Variants in IQCJ observed in about 807,000 individuals in gnomAD.
IQCJ encodes IQ domain-containing protein J.
A neutral mutation model predicts 11.0 loss-of-function variants in IQCJ; 9 were observed. The ratio of observed to expected loss-of-function variants is 0.82; its 90% CI spans 0.49 to 1.43. The LOEUF (loss-of-function observed/expected upper bound fraction) is 1.43, where lower values mean the gene tolerates loss of function less well. Ranked by LOEUF, IQCJ falls within the 40% of genes most tolerant of loss-of-function variation. IQCJ has a pLI of 0.00. For missense variants in IQCJ, 146 were observed against 133.2 expected (o/e 1.10, Z -0.47); for synonymous variants, 55 against 51.3 (o/e 1.07, Z -0.31).
chr3:159,110,087 A>G (rs557958020), intron 1 of IQCJ, among the ~76,000 whole-genome samples: 5 of 152,312 alleles, frequency 3.3e-5, no homozygotes, highest in Admixed American at 3.3e-4. Flanking sequence ...CAGACTATTT[A>G]TAGCTTTCTA....
chr3:159,253,509 G>A (rs759618359), intron 3 of IQCJ, among the ~76,000 whole-genome samples: 9 of 151,952 alleles, frequency 5.9e-5, no homozygotes, highest in Non-Finnish European at 1.0e-4. Context: ...ATTTATGACC[G>A]TTTTCCGAGA....
intron 1 of IQCJ, among the ~76,000 whole-genome samples, chr3:159,114,577 G>T (rs2108126460): frequency 6.6e-6 from 1 of 152,212 alleles, no homozygotes; most frequent in African/African-American, 2.4e-5. Flanking sequence ...CTCTCAAAGT[G>T]CTGGGATTAC....
At chr3:159,185,280 A>G (rs1723313626) in intron 1 of IQCJ, among the ~76,000 whole-genome samples, 1 of 152,108 alleles carries the variant, frequency 6.6e-6, no homozygotes, top group South Asian at 2.1e-4. Context: ...CCCCTTCCAT[A>G]TCTCACAGGA....
At chr3:159,216,693 A>AT (rs137937027) in intron 1 of IQCJ, among the ~76,000 whole-genome samples, 7,702 of 151,944 alleles carry the variant, frequency 0.051, 637 homozygotes, top group African/African-American at 0.18. Flanking sequence ...ACATACATGC[A>AT]TTTTTTTTCC....
chr3:159,076,415 G>T (rs981285688), intron 1 of IQCJ, among the ~76,000 whole-genome samples: 1 of 152,114 alleles, frequency 6.6e-6, no homozygotes, highest in African/African-American at 2.4e-5. Flanking sequence ...AGAACTAGAT[G>T]TGATGGAGCT....
intron 1 of IQCJ, among the ~76,000 whole-genome samples, chr3:159,122,059 TG>T (rs1719410941): frequency 6.6e-6 from 1 of 152,182 alleles, no homozygotes; most frequent in South Asian, 2.1e-4. Flanking sequence ...CCAGCATGGT[TG>T]GGTTCTGGTG....
At position 159,160,520 on chromosome 3, in the gene IQCJ, TA is replaced by T. The variant is rs1272266810; in HGVS notation, c.10-85322del. Reference sequence around the variant, plus strand: ...ATTGTGATTTATATTTTTATTTTTTTATTTTATTATTTTATTTTATTATTAT... The same window carrying T: ...ATTGTGATTTATATTTTTATTTTTTTTTTTATTATTTTATTTTATTATTAT... On this transcript the variant is annotated intron_variant, in intron 1 of 3. Coordinates refer to ENST00000397832, the MANE Select transcript of IQCJ (RefSeq NM_001042706.3). Among the ~76,000 whole-genome samples the T allele has an allele frequency of 1.1e-4, 17 of 151,802 alleles. No homozygotes were observed. The East Asian group carries it at 3.3e-3, about 29-fold the overall frequency.
intron 1 of IQCJ, among the ~76,000 whole-genome samples, chr3:159,199,604 C>T (rs533373504): frequency 2.6e-4 from 39 of 152,118 alleles, no homozygotes; most frequent in African/African-American, 7.9e-4. Context: ...ATTGATGTGG[C>T]GGGAGGAAAG....
chr3:159,142,456 A>T (rs895315025), intron 1 of IQCJ, among the ~76,000 whole-genome samples: 2 of 151,284 alleles, frequency 1.3e-5, no homozygotes, highest in African/African-American at 4.9e-5. Context: ...TCACGCTGTC[A>T]CCCAGGCTGG....
intron 1 of IQCJ, among the ~76,000 whole-genome samples, chr3:159,153,250 A>G (rs1031392463): frequency 6.6e-6 from 1 of 152,262 alleles, no homozygotes; most frequent in Non-Finnish European, 1.5e-5. Context: ...CTTACAATGC[A>G]TCCTTTAATG....
At chr3:159,110,742 C>A (rs1457099508) in intron 1 of IQCJ, among the ~76,000 whole-genome samples, 1 of 152,176 alleles carries the variant, frequency 6.6e-6, no homozygotes, top group South Asian at 2.1e-4. Flanking sequence ...CTAACAGACA[C>A]AAGCTGTTCT....
At chr3:159,246,450 C>A (rs903940839) in intron 2 of IQCJ, among the ~76,000 whole-genome samples, 1 of 152,114 alleles carries the variant, frequency 6.6e-6, no homozygotes, top group Non-Finnish European at 1.5e-5. Flanking sequence ...TTCCATTTCA[C>A]GGATGAGGAA....
chr3:159,093,514 T>C lies in IQCJ; in HGVS notation c.9+24073T>C, dbSNP rs1200027918. Among the ~76,000 whole-genome samples, 4 of 151,968 alleles carry C rather than the reference T, an allele frequency of 2.6e-5. 1 individual carries two copies. The highest frequency in any genetic ancestry group is 6.8e-3 in the Middle Eastern group (2 of 294). On this transcript the variant is annotated intron_variant, in intron 1 of 3. Coordinates refer to ENST00000397832, the MANE Select transcript of IQCJ (RefSeq NM_001042706.3). ...GACCTCAGTTAGCTGTATTGTGCCTTGCCCTCGAAACTGATGTCACCATAA... is the reference window on the plus strand; with the variant it reads ...GACCTCAGTTAGCTGTATTGTGCCTCGCCCTCGAAACTGATGTCACCATAA...
At chr3:159,072,966 G>C (rs569525870) in intron 1 of IQCJ, among the ~76,000 whole-genome samples, 3 of 152,172 alleles carry the variant, frequency 2.0e-5, no homozygotes, top group Admixed American at 6.5e-5. Context: ...AGGTTCTCTG[G>C]GAAGAGATTC....
chr3:159,212,889 T>G (rs1329657911), intron 1 of IQCJ, among the ~76,000 whole-genome samples: 1 of 152,262 alleles, frequency 6.6e-6, no homozygotes, highest in Non-Finnish European at 1.5e-5. Flanking sequence ...ATGACTAGAC[T>G]GGAGGAGCAA....
intron 1 of IQCJ, among the ~76,000 whole-genome samples, chr3:159,236,352 C>T (rs1726590322): frequency 6.6e-6 from 1 of 150,610 alleles, no homozygotes; most frequent in South Asian, 2.1e-4. Flanking sequence ...ATTTTTGATG[C>T]CTTTTTGCCT....
chr3:159,164,119 G>A lies in IQCJ; in HGVS notation c.10-81724G>A, dbSNP rs539542654. Among the ~76,000 whole-genome samples, 12 of 152,272 alleles carry A rather than the reference G, an allele frequency of 7.9e-5. No homozygotes were observed. The South Asian group carries it at 2.3e-3, about 29-fold the overall frequency. ...CTTGGCAAGTTAAATTCACCCAAGT[G>A]GTAACCCCTTTAAACTTACTTTATA... On this transcript the variant is annotated intron_variant, in intron 1 of 3. Coordinates refer to ENST00000397832, the MANE Select transcript of IQCJ (RefSeq NM_001042706.3).
At chr3:159,090,718 G>T (rs1717212399) in intron 1 of IQCJ, among the ~76,000 whole-genome samples, 1 of 151,812 alleles carries the variant, frequency 6.6e-6, no homozygotes, top group Non-Finnish European at 1.5e-5. Context: ...CTTTCCACAG[G>T]GTCTGGGACA....
At chr3:159,072,539 A>G (rs1213203432) in intron 1 of IQCJ, among the ~76,000 whole-genome samples, 2 of 152,134 alleles carry the variant, frequency 1.3e-5, no homozygotes, top group Non-Finnish European at 2.9e-5. Flanking sequence ...CACTAACCTT[A>G]TTAGAGTCTG....
Sources: allele counts gnomAD v4.1 joint callset (sites outside exome capture counted in the v4.1 genomes callset), GRCh38; gene constraint gnomAD v4.1.1; transcripts MANE v1.5; gene names NCBI Gene and HGNC (gene_info 2026-07-23, HGNC 2026-07-21).